The following ZNF565 variants were observed in gnomAD, a reference collection of about 807,000 sequenced individuals.
The protein encoded by ZNF565 is zinc finger protein 565.
ZNF565 carries 27 observed loss-of-function variants against 39.4 expected under a neutral mutation model. The observed-to-expected ratio is 0.69, with a 90% CI of 0.51 to 0.95. ZNF565 has a LOEUF of 0.95. Ranked by LOEUF, ZNF565 falls within the 40% of genes least tolerant of loss-of-function variation. The pLI, the probability that ZNF565 is intolerant of heterozygous loss-of-function variation, is 0.00. For synonymous variants in ZNF565, 185 were observed against 216.6 expected (o/e 0.85, Z 1.28); for missense variants, 524 against 621.1 (o/e 0.84, Z 1.66).
chr19:36,228,271 T>C (rs1977168959), intron 1 of ZNF565, among the ~76,000 whole-genome samples: 1 of 151,618 alleles, frequency 6.6e-6, no homozygotes, highest in African/African-American at 2.4e-5. Flanking sequence ...CAGAACAACT[T>C]CTTCACATTG....
At chr19:36,194,878 T>A in intron 3 of ZNF565, 152 bp downstream of exon 3, 1 of 1,179,152 alleles carries the variant, frequency 8.5e-7, no homozygotes, top group Non-Finnish European at 1.2e-6. Context: ...CAGCTATTGC[T>A]GGCCGGGCCT....
chr19:36,241,461 G>C (rs1210294552), intron 1 of ZNF565, among the ~76,000 whole-genome samples: 3 of 142,914 alleles, frequency 2.1e-5, no homozygotes, highest in African/African-American at 7.9e-5. Context: ...TCCGGCCTGG[G>C]TGACAAGAGC....
intron 1 of ZNF565, among the ~76,000 whole-genome samples, chr19:36,206,627 TC>T (rs1230593325): frequency 6.6e-6 from 1 of 152,056 alleles, no homozygotes; most frequent in Admixed American, 6.6e-5. Flanking sequence ...GGTCAGAAGT[TC>T]TAGACCAGCC....
At chr19:36,241,261 G>A (rs926438807) in intron 1 of ZNF565, among the ~76,000 whole-genome samples, 3 of 151,964 alleles carry the variant, frequency 2.0e-5, no homozygotes, top group Non-Finnish European at 2.9e-5. Flanking sequence ...CAAGGCGGGC[G>A]GATCACAAGG....
In ZNF565 at chr19:36,245,881, C is replaced by T; in HGVS notation, c.-351G>A. 1 of 266,216 alleles carries T rather than the reference C, an allele frequency of 3.8e-6. No homozygotes were observed. The highest frequency in any genetic ancestry group is 7.1e-6 in the Non-Finnish European group (1 of 140,450). The allele number at this position is 266,216 out of a possible 1,614,324, so 16.5% of individuals were successfully genotyped here. On this transcript the variant is annotated 5_prime_UTR_variant, in exon 1 of 5. Coordinates refer to the ZNF565 transcript ENST00000355114. This position sits in a 1 kb window ranked among gnomAD's most constrained non-coding sequence, Gnocchi z 4.4. Reference sequence around the variant, plus strand: ...TTTGGGTGCGGGGCCTTGGCTCAGGCGGAACCCGACCGGGATCGCCCCGCG... The same window carrying T: ...TTTGGGTGCGGGGCCTTGGCTCAGGTGGAACCCGACCGGGATCGCCCCGCG...
chr19:36,240,193 T>A (rs965281679), intron 1 of ZNF565, among the ~76,000 whole-genome samples: 10 of 152,348 alleles, frequency 6.6e-5, no homozygotes, highest in Non-Finnish European at 1.3e-4. Flanking sequence ...ACAACAATTT[T>A]AAAAATACAA....
At chr19:36,198,529 C>T (rs1011592697) in intron 2 of ZNF565, among the ~76,000 whole-genome samples, 1 of 151,266 alleles carries the variant, frequency 6.6e-6, no homozygotes, top group Non-Finnish European at 1.5e-5. Context: ...TTAATGGGTA[C>T]AAAAAATAGA....
In ZNF565 at chr19:36,183,088, T is replaced by C; in HGVS notation, c.878A>G (p.Gln293Arg). The C allele has an allele frequency of 3.7e-6, 6 of 1,614,190 alleles. No individual in the cohort carries two copies. Among genetic ancestry groups the C allele is most frequent in the Non-Finnish European group, 5.1e-6 (6 of 1,180,036 alleles). The change falls in exon 5 of 5, where the codon CAA becomes CGA. Residue 293 changes from glutamine to arginine, a missense_variant. Physicochemically the swap from Gln to Arg is conservative, Grantham distance 43. Transcript: ENST00000304116. ...DCGKAFIRGS[Q>R]LTVHRRIHTG... ...GTGGATTCTCCGATGCACAGTGAGTTGGGAGCCACGAATGAAAGCCTTGCC... is the reference window on the plus strand; with the variant it reads ...GTGGATTCTCCGATGCACAGTGAGTCGGGAGCCACGAATGAAAGCCTTGCC...
At chr19:36,231,025 A>G (rs1977336651) in intron 1 of ZNF565, among the ~76,000 whole-genome samples, 1 of 151,936 alleles carries the variant, frequency 6.6e-6, no homozygotes, top group Admixed American at 6.6e-5. Context: ...TTATATGTAT[A>G]TATATTTGCA....
chr19:36,200,544 A>T (rs1465648173), intron 2 of ZNF565, among the ~76,000 whole-genome samples: 4 of 150,440 alleles, frequency 2.7e-5, no homozygotes, highest in Non-Finnish European at 5.9e-5. Context: ...GCTGGAGTGC[A>T]GTGGCGTAAT....
chr19:36,195,335 T>C (rs1021187391), intron 2 of ZNF565, among the ~76,000 whole-genome samples, 179 bp from the exon 3 acceptor site: 8 of 152,082 alleles, frequency 5.3e-5, no homozygotes. Context: ...TTCTATCTTT[T>C]ATTCCCCATG....
chr19:36,194,347 AT>A lies in ZNF565; in HGVS notation c.137-20del, dbSNP rs773096737. The A allele has an allele frequency of 1.3e-6, 2 of 1,590,262 alleles. No individual in the cohort carries two copies. Among genetic ancestry groups the A allele is most frequent in the Admixed American group, 3.5e-5 (2 of 56,858 alleles). Reference sequence around the variant, plus strand: ...GAGAGTCCTGTTTACAGGAAAAGAAATGGGGTGTGATCAGACCGCTCCAAAA... The same window carrying A: ...GAGAGTCCTGTTTACAGGAAAAGAAAGGGGTGTGATCAGACCGCTCCAAAA... On this transcript the variant is annotated intron_variant, in intron 3 of 4. Transcript: ENST00000304116.
rs143326743 is a variant in ZNF565, at chr19:36,183,073, C to T, written c.893G>A (p.Arg298Gln). 29 of 1,613,938 alleles carry T rather than the reference C, an allele frequency of 1.8e-5. 1 individual carries two copies. Among genetic ancestry groups the T allele is most frequent in the South Asian group, 1.2e-4 (11 of 91,082 alleles). Residue 298 changes from arginine (R) to glutamine (Q), a missense_variant, in exon 5 of 5, where the codon CGG becomes CAG. Physicochemically the swap from Arg to Gln is conservative, Grantham distance 43 (BLOSUM62 1). Transcript: ENST00000304116. ...FIRGSQLTVH[R>Q]RIHTGARPYE... ...GGGTCTGGCCCCTGTGTGGATTCTCCGATGCACAGTGAGTTGGGAGCCACG... is the reference window on the plus strand; with the variant it reads ...GGGTCTGGCCCCTGTGTGGATTCTCTGATGCACAGTGAGTTGGGAGCCACG...
intron 4 of ZNF565, among the ~76,000 whole-genome samples, chr19:36,187,322 C>T (rs1975338013): frequency 6.6e-6 from 1 of 151,884 alleles, no homozygotes; most frequent in South Asian, 2.1e-4. Flanking sequence ...CTAATAGCCT[C>T]CTAATATATA....
upstream of ZNF565, among the ~76,000 whole-genome samples, chr19:36,215,373 A>C (rs1469838328): frequency 6.6e-6 from 1 of 152,004 alleles, no homozygotes; most frequent in Non-Finnish European, 1.5e-5. Flanking sequence ...TTTGTCCTCA[A>C]AGTTTGACCT....
rs375227629 is a variant in ZNF565 at position 36,201,957 on chromosome 19, T to C, written c.9+20A>G. 49 of 1,613,586 alleles carry C rather than the reference T, an allele frequency of 3.0e-5. No individual in the cohort carries two copies. In the African/African-American group the frequency reaches 6.3e-4, roughly 21 times the overall value. ...GCGGGAAGACAGATCATTCTAAGGA[T>C]AGAAGGAATTTCAACATACCTGGGC... is the stretch of plus-strand genomic sequence containing the variant. On this transcript the variant is annotated intron_variant, in intron 2 of 4. Coordinates refer to ENST00000304116, the MANE Select transcript of ZNF565 (RefSeq NM_152477.5).
chr19:36,211,449 T>TCTCTCACACA (rs1229625965), intron 1 of ZNF565, among the ~76,000 whole-genome samples: 2 of 137,776 alleles, frequency 1.5e-5, no homozygotes, highest in Admixed American at 7.5e-5. Flanking sequence ...CAACTCTCTC[T>TCTCTCACACA]CACACACACA....
Position 36,234,397 on chromosome 19 carries a change from C to T in ZNF565, c.55+11079G>A, listed in dbSNP as rs562089002. 5.3e-5 allele frequency among the ~76,000 whole-genome samples: 8 copies of T among 152,234 alleles called. No homozygotes were observed. In the South Asian group the frequency reaches 1.5e-3, roughly 28 times the overall value. ...GGAGCTCTCCCATATAACAAAATAC[C>T]GTTTCACACCTTAGAAGATTAACCA... is the stretch of plus-strand genomic sequence containing the variant. On this transcript the variant is annotated intron_variant, in intron 1 of 4. Transcript: ENST00000355114.
chr19:36,187,558 T>G (rs1975351511), intron 4 of ZNF565, among the ~76,000 whole-genome samples: 1 of 151,598 alleles, frequency 6.6e-6, no homozygotes, highest in South Asian at 2.1e-4. Flanking sequence ...AGATGGGGTT[T>G]CACTGACCAG....
Sources: allele counts gnomAD v4.1 joint callset (sites outside exome capture counted in the v4.1 genomes callset), GRCh38; gene constraint gnomAD v4.1.1; non-coding constraint Gnocchi (gnomAD v3.1); transcripts MANE v1.5; gene names NCBI Gene and HGNC (gene_info 2026-07-23, HGNC 2026-07-21).